Variants in KIAA0319 observed in about 807,000 individuals in gnomAD.
KIAA0319 encodes KIAA0319.
KIAA0319 carries 83 observed loss-of-function variants against 108.4 expected under a neutral mutation model. That is an observed-to-expected ratio of 0.77 (90% CI 0.64 to 0.92). The LOEUF is 0.92. Among genes scored for constraint, KIAA0319 ranks in the 40% least tolerant of loss-of-function variants. KIAA0319 has a pLI of 0.00. For synonymous variants in KIAA0319, 484 were observed against 510.4 expected (o/e 0.95, Z 0.70); for missense variants, 1,195 against 1,322.4 (o/e 0.90, Z 1.49).
downstream of KIAA0319, among the ~76,000 whole-genome samples, chr6:24,541,285 A>G (rs1016428249): frequency 1.3e-5 from 2 of 152,036 alleles, no homozygotes; most frequent in Non-Finnish European, 2.9e-5. Context: ...ATGTCCTCCC[A>G]TGATCTTTCC....
At chr6:24,634,954 G>T (rs922522821) in intron 1 of KIAA0319, among the ~76,000 whole-genome samples, 15 of 152,160 alleles carry the variant, frequency 9.9e-5, no homozygotes, top group Non-Finnish European at 2.1e-4. Flanking sequence ...ACATGTAAGG[G>T]AACAGTCAAT....
At chr6:24,593,497 A>T (rs777942636) in intron 3 of KIAA0319, among the ~76,000 whole-genome samples, 1 of 142,292 alleles carries the variant, frequency 7.0e-6, no homozygotes, top group Non-Finnish European at 1.5e-5. Flanking sequence ...GGTTCACGCC[A>T]TTCTCCTGCC....
chr6:24,603,891 C>T (rs1215135307), intron 1 of KIAA0319, among the ~76,000 whole-genome samples: 13 of 152,022 alleles, frequency 8.6e-5, no homozygotes, highest in Admixed American at 8.5e-4. Flanking sequence ...AGGGGACTGC[C>T]GTCGACCACA....
In KIAA0319 at chr6:24,645,719, G is replaced by C. The variant is rs2038136; in HGVS notation, c.-106+17C>G. 104,426 of 151,418 alleles carry C rather than the reference G, an allele frequency of 0.69. 36,681 individuals carry two copies. Among genetic ancestry groups the C allele is most frequent in the East Asian group, 0.87 (4,465 of 5,116 alleles). 9.4% of individuals were successfully genotyped at this position (151,418 alleles called of 1,614,324 possible). On this transcript the variant is annotated intron_variant, in intron 1 of 20. Coordinates refer to ENST00000378214, the MANE Select transcript of KIAA0319 (RefSeq NM_014809.4). ...TCCTATTTCTCGGCCAGGCGCTCTG[G>C]GAAGTAGATACCGTACCTGTGGTCA...
chr6:24,568,407 G>C (rs1368578181), intron 13 of KIAA0319, among the ~76,000 whole-genome samples: 1 of 152,188 alleles, frequency 6.6e-6, no homozygotes, highest in African/African-American at 2.4e-5. Flanking sequence ...CACTAGTCTA[G>C]ACCACAGATT....
chr6:24,578,181 T>C lies in KIAA0319; in HGVS notation c.1434A>G (p.Ile478Met), dbSNP rs140391024. The change falls in exon 9 of 21, where the codon ATA (isoleucine) becomes ATG (methionine). Residue 478 changes from isoleucine (I) to methionine (M), a missense_variant. Transcript: ENST00000378214. ...YHWEEINGPF[I>M]EEKTSVDSPV... ...GAGAGTCAACTGAAGTCTTCTCTTC[T>C]ATGAAGGGCCCGTTTATTTCTTCCC... The C allele has an allele frequency of 3.8e-4, 610 of 1,611,592 alleles. 4 individuals are homozygous for C. In the South Asian group the frequency reaches 4.6e-3, roughly 12 times the overall value.
intron 1 of KIAA0319, among the ~76,000 whole-genome samples, chr6:24,637,782 A>T (rs1776390088): frequency 1.3e-5 from 2 of 151,362 alleles, no homozygotes; most frequent in South Asian, 4.2e-4. Flanking sequence ...CCTATCAGCT[A>T]AGAAAGGAAG....
chr6:24,593,386 C>CTTTT (rs58826962), intron 3 of KIAA0319, among the ~76,000 whole-genome samples: 13 of 79,366 alleles, frequency 1.6e-4, no homozygotes, highest in East Asian at 3.3e-4. Flanking sequence ...GAATAATTAT[C>CTTTT]TTTTTTTTTT....
intron 1 of KIAA0319, among the ~76,000 whole-genome samples, chr6:24,617,108 G>A (rs1297254735): frequency 1.3e-5 from 2 of 151,874 alleles, no homozygotes; most frequent in Admixed American, 6.6e-5. Flanking sequence ...CATAAAAGTA[G>A]GAAGGATATA....
chr6:24,598,321 A>C (rs1770059233), intron 2 of KIAA0319: 1 of 676,600 alleles, frequency 1.5e-6, no homozygotes, highest in Non-Finnish European at 2.7e-6. Context: ...GCAGATCAAG[A>C]CCATCAACAA....
At chr6:24,610,653 G>A (rs1346760758) in intron 1 of KIAA0319, among the ~76,000 whole-genome samples, 2 of 152,142 alleles carry the variant, frequency 1.3e-5, no homozygotes, top group African/African-American at 4.8e-5. Context: ...TGGCAGGGTG[G>A]CTCATTCCTG....
chr6:24,563,835 G>GC (rs1763445197), intron 15 of KIAA0319, among the ~76,000 whole-genome samples: 1 of 152,116 alleles, frequency 6.6e-6, no homozygotes, highest in Non-Finnish European at 1.5e-5. Context: ...GCTTCCAAGT[G>GC]CCAATGGGCA....
At position 24,628,658 on chromosome 6, in the gene KIAA0319, G is replaced by A. The variant is rs540595525; in HGVS notation, c.-106+17078C>T. On this transcript the variant is annotated intron_variant, in intron 1 of 20. Transcript: ENST00000378214. ...TTTGTAGTCTCCCACAGTTCTGGAAGCTGGAAGTTGGAAATCAACGCATCA... is the reference window on the plus strand; with the variant it reads ...TTTGTAGTCTCCCACAGTTCTGGAAACTGGAAGTTGGAAATCAACGCATCA... Among the ~76,000 whole-genome samples the A allele has an allele frequency of 2.0e-5, 3 of 152,280 alleles. No homozygotes were observed. The South Asian group carries it at 6.2e-4, about 32-fold the overall frequency.
At chr6:24,635,783 T>A (rs1415563013) in intron 1 of KIAA0319, among the ~76,000 whole-genome samples, 3 of 152,228 alleles carry the variant, frequency 2.0e-5, no homozygotes, top group African/African-American at 7.2e-5. Context: ...AGGAGACTGC[T>A]TTCAACTGAA....
intron 4 of KIAA0319, among the ~76,000 whole-genome samples, chr6:24,586,701 T>C (rs1767552452): frequency 6.6e-6 from 1 of 152,208 alleles, no homozygotes; most frequent in South Asian, 2.1e-4. Flanking sequence ...ATCTCCCACG[T>C]ATAGGTAAGA....
At chr6:24,610,856 C>T (rs890717306) in intron 1 of KIAA0319, among the ~76,000 whole-genome samples, 12 of 151,734 alleles carry the variant, frequency 7.9e-5, no homozygotes, top group Non-Finnish European at 8.8e-5. Flanking sequence ...AACTGAAAAA[C>T]GGATAAAAAT....
At chr6:24,604,621 AGCAATTTATTGTCATTATCTCAGT>A (rs1433248826) in intron 1 of KIAA0319, among the ~76,000 whole-genome samples, 1 of 152,206 alleles carries the variant, frequency 6.6e-6, no homozygotes, top group Non-Finnish European at 1.5e-5. Context: ...GTACCTGGAA[AGCAATTTATTGTCATTATCTCAGT>A]GCAAACATTA....
intron 14 of KIAA0319, among the ~76,000 whole-genome samples, chr6:24,565,832 G>A (rs545414110): frequency 6.6e-6 from 1 of 150,626 alleles, no homozygotes; most frequent in Non-Finnish European, 1.5e-5. Context: ...TCTGCATTTC[G>A]CCTTCTGCAT....
chr6:24,579,304 G>A (rs1435600944), intron 8 of KIAA0319, among the ~76,000 whole-genome samples: 2 of 151,162 alleles, frequency 1.3e-5, no homozygotes, highest in Admixed American at 6.6e-5. Context: ...AAACCACCAC[G>A]CTCCCTCACT....
Sources: gnomAD v4.1 joint callset for allele counts (sites outside exome capture counted in the v4.1 genomes callset) on GRCh38, gnomAD v4.1.1 for gene constraint, MANE v1.5 for transcripts, NCBI Gene and HGNC (gene_info 2026-07-23, HGNC 2026-07-21) for gene names.